The following CDH20 variants were observed in gnomAD, a reference collection of about 807,000 sequenced individuals.
CDH20 encodes cadherin 20.
CDH20 carries 29 observed loss-of-function variants against 74.2 expected under a neutral mutation model. That is an observed-to-expected ratio of 0.39 (90% CI 0.29 to 0.53). CDH20 has a LOEUF of 0.53. Among genes scored for constraint, CDH20 ranks in the 20% least tolerant of loss-of-function variants. CDH20 has a pLI of 0.69. For missense variants in CDH20, 988 were observed against 1,048.3 expected (o/e 0.94, Z 0.79); for synonymous variants, 469 against 405.4 (o/e 1.16, Z -1.88).
At chr18:61,552,175 GTTT>G (rs35819952) in intron 11 of CDH20, among the ~76,000 whole-genome samples, 4 of 150,088 alleles carry the variant, frequency 2.7e-5, no homozygotes, top group South Asian at 2.1e-4. Flanking sequence ...GACTTCCTGG[GTTT>G]TTTTTTTTCA....
intron 1 of CDH20, among the ~76,000 whole-genome samples, chr18:61,341,614 C>A (rs1555669449): frequency 1.3e-5 from 2 of 152,182 alleles, no homozygotes; most frequent in Non-Finnish European, 2.9e-5. Context: ...TTTGCAGAGG[C>A]ACCAACCATC....
At chr18:61,539,799 A>G (rs1380126796) in intron 9 of CDH20, among the ~76,000 whole-genome samples, 2 of 152,156 alleles carry the variant, frequency 1.3e-5, no homozygotes, top group African/African-American at 4.8e-5. Flanking sequence ...TGCCACCTAG[A>G]ATGACCTACC....
chr18:61,351,459 G>A (rs1406642438), intron 1 of CDH20, among the ~76,000 whole-genome samples: 1 of 152,042 alleles, frequency 6.6e-6, no homozygotes, highest in African/African-American at 2.4e-5. Context: ...TTGAAAAGTG[G>A]GAGTAATAAT....
intron 1 of CDH20, among the ~76,000 whole-genome samples, chr18:61,414,554 T>C (rs1267652143): frequency 6.6e-6 from 1 of 152,130 alleles, no homozygotes; most frequent in Non-Finnish European, 1.5e-5. Context: ...AAATGAGTGA[T>C]TTGGGATTCT....
intron 1 of CDH20, among the ~76,000 whole-genome samples, chr18:61,346,031 AG>A (rs1910106152): frequency 6.6e-6 from 1 of 152,232 alleles, no homozygotes; most frequent in East Asian, 1.9e-4. Context: ...GTGTGACAGA[AG>A]TCATTATGGC....
intron 5 of CDH20, among the ~76,000 whole-genome samples, chr18:61,506,718 AC>A (rs1290134855): frequency 3.9e-5 from 6 of 152,166 alleles, no homozygotes; most frequent in African/African-American, 1.4e-4. Flanking sequence ...ATATGTGAGA[AC>A]CTTTTTAGTA....
intron 1 of CDH20, among the ~76,000 whole-genome samples, chr18:61,347,301 T>TATATATATATAC (rs1390193641): frequency 3.8e-5 from 3 of 79,678 alleles, no homozygotes; most frequent in African/African-American, 1.7e-4. Flanking sequence ...TATATATATA[T>TATATATATATAC]ATATATATAT....
chr18:61,518,908 A>G (rs2144353802), intron 6 of CDH20, among the ~76,000 whole-genome samples: 1 of 151,506 alleles, frequency 6.6e-6, no homozygotes, highest in South Asian at 2.1e-4. Flanking sequence ...TAGAATAACC[A>G]GTTTAGACAA....
At chr18:61,394,576 C>A (rs181245916) in intron 1 of CDH20, among the ~76,000 whole-genome samples, 91 of 152,178 alleles carry the variant, frequency 6.0e-4, no homozygotes, top group East Asian at 5.8e-4. Flanking sequence ...AGGAACCAAC[C>A]CTGCAAACAC....
chr18:61,480,175 C>A (rs1450926818), intron 1 of CDH20, among the ~76,000 whole-genome samples: 1 of 152,178 alleles, frequency 6.6e-6, no homozygotes, highest in Non-Finnish European at 1.5e-5. Context: ...CTTCTCATAT[C>A]ACCTTCCCTC....
At chr18:61,508,355 G>A (rs1911654173) in intron 6 of CDH20, among the ~76,000 whole-genome samples, 1 of 152,106 alleles carries the variant, frequency 6.6e-6, no homozygotes, top group Admixed American at 6.5e-5. Context: ...AGCAAGGGAA[G>A]AAGACAATCA....
chr18:61,486,638 T>TTTTCA (rs1910773396), intron 1 of CDH20, among the ~76,000 whole-genome samples: 1 of 151,958 alleles, frequency 6.6e-6, no homozygotes, highest in South Asian at 2.1e-4. Context: ...AAAGTCTCTC[T>TTTTCA]TTTAAGTGCA....
intron 2 of CDH20, among the ~76,000 whole-genome samples, chr18:61,495,762 C>G (rs910323833): frequency 6.6e-6 from 1 of 152,180 alleles, no homozygotes; most frequent in Non-Finnish European, 1.5e-5. Context: ...TGGAGCTGCG[C>G]TCTCTCTCTG....
At chr18:61,531,137 A>C (rs1912620688) in intron 7 of CDH20, among the ~76,000 whole-genome samples, 1 of 152,212 alleles carries the variant, frequency 6.6e-6, no homozygotes, top group Non-Finnish European at 1.5e-5. Flanking sequence ...AGGGAAACAA[A>C]GGCTATTATT....
chr18:61,513,537 C>T (rs1236708), intron 6 of CDH20, among the ~76,000 whole-genome samples: 143,740 of 145,560 alleles, frequency 0.99, 71,002 homozygotes, highest in Middle Eastern at 1. Context: ...TTTGATCCTG[C>T]CATTACGATG....
At position 61,554,569 on chromosome 18, in the gene CDH20, G is replaced by T. The variant is rs111674359; in HGVS notation, c.2280G>T (p.Leu760=). The change falls in exon 12 of 12, where the codon CTG becomes CTT. Residue 760 remains leucine, a synonymous_variant. Coordinates refer to ENST00000262717, the MANE Select transcript of CDH20 (RefSeq NM_031891.4). The part of the protein sequence containing the change: ...FEGDGSVAGS[L]SSLQSATSDS... ...GGGACGGCTCTGTGGCGGGGTCGCT[G>T]AGCTCCCTGCAGTCGGCCACGTCGG... 2.4e-5 allele frequency: 38 copies of T among 1,609,668 alleles called. No individual in the cohort carries two copies. The African/African-American group carries it at 2.5e-4, about 11-fold the overall frequency.
chr18:61,507,521 A>G lies in CDH20; in HGVS notation c.978A>G (p.Thr326=). 1 of 1,610,620 alleles carries G rather than the reference A, an allele frequency of 6.2e-7. No homozygotes were observed. The highest frequency in any genetic ancestry group is 8.5e-7 in the Non-Finnish European group (1 of 1,178,424). The part of the protein sequence containing the change: ...GDGADAFDIS[T]DPNFQVGIIT... The stretch of plus-strand genomic sequence containing the variant: ...GTGCAGATGCCTTTGACATTAGCAC[A>G]GATCCCAATTTCCAAGTTGGTATCA... The change falls in exon 6 of 12, where the codon ACA becomes ACG. Residue 326 remains threonine (T), a synonymous_variant. Coordinates refer to ENST00000262717, the MANE Select transcript of CDH20 (RefSeq NM_031891.4).
chr18:61,553,737 G>A (rs551719763), intron 11 of CDH20, among the ~76,000 whole-genome samples: 2 of 152,216 alleles, frequency 1.3e-5, no homozygotes, highest in South Asian at 4.2e-4. Context: ...GCTAATATAC[G>A]GAAGCAGAAT....
chr18:61,539,105 T>C lies in CDH20; in HGVS notation c.1490T>C (p.Phe497Ser). 2 of 1,614,060 alleles carry C rather than the reference T, an allele frequency of 1.2e-6. No individual in the cohort carries two copies. Among genetic ancestry groups the C allele is most frequent in the Non-Finnish European group, 1.7e-6 (2 of 1,179,988 alleles). The change falls in exon 9 of 12, where the codon TTC (phenylalanine) becomes TCC (serine). Residue 497 changes from phenylalanine to serine, a missense_variant. Around this residue, in one of 2 missense-constraint regions of CDH20, gnomAD observed 613 missense variants for 755.2 expected, o/e 0.81. Coordinates refer to ENST00000262717, the MANE Select transcript of CDH20 (RefSeq NM_031891.4). ...VNDNAPEFPR[F>S]YEAFVCENAK... ...GACAATGCTCCAGAGTTCCCCAGAT[T>C]CTATGAAGCTTTTGTCTGTGAGAAC... is the stretch of plus-strand genomic sequence containing the variant.
Sources: allele counts gnomAD v4.1 joint callset (sites outside exome capture counted in the v4.1 genomes callset), GRCh38; gene constraint gnomAD v4.1.1; regional missense constraint gnomAD v4.1.1; transcripts MANE v1.5; gene names NCBI Gene and HGNC (gene_info 2026-07-23, HGNC 2026-07-21).